KIF4A: variants seen among roughly 807,000 people sequenced by gnomAD.
KIF4A encodes the protein chromosome-associated kinesin KIF4A.
A neutral mutation model predicts 105.9 loss-of-function variants in KIF4A; 7 were observed. The ratio of observed to expected loss-of-function variants is 0.07; its 90% CI spans 0.04 to 0.12. KIF4A has a LOEUF of 0.12. KIF4A is among the 10% of genes least tolerant of loss of function. The pLI, the probability that KIF4A is intolerant of heterozygous loss-of-function variation, is 1.00. For missense variants in KIF4A, 558 were observed against 929.2 expected (o/e 0.60, Z 5.19); for synonymous variants, 281 against 331.3 (o/e 0.85, Z 1.65).
chrX:70,330,627 A>G (rs914071076), intron 9 of KIF4A, among the ~76,000 whole-genome samples: 3 of 111,875 alleles, frequency 2.7e-5, no homozygotes, highest in African/African-American at 9.7e-5. Context: ...TTTGGAATTC[A>G]ACCTGAAAGC....
intron 29 of KIF4A, 111 bp downstream of exon 29, chrX:70,418,115 AC>A: frequency 7.3e-6 from 4 of 549,606 alleles, no homozygotes; most frequent in African/African-American, 2.3e-5. Context: ...AGCTCTTCCA[AC>A]CCTTCTCCTT....
At chrX:70,290,199 C>G (rs1477332372) in intron 1 of KIF4A, 49 bp downstream of exon 1, 6 of 334,092 alleles carry the variant, frequency 1.8e-5, no homozygotes, top group African/African-American at 1.3e-4. Flanking sequence ...TTACCCAGTA[C>G]CCTAGGGCTT....
intron 15 of KIF4A, among the ~76,000 whole-genome samples, chrX:70,354,710 T>C (rs1383183921): frequency 9.0e-6 from 1 of 111,196 alleles, no homozygotes; most frequent in African/African-American, 3.3e-5. Context: ...ACAAGAGAGG[T>C]GGACAGTTGG....
chrX:70,403,401 C>T (rs983654048), intron 23 of KIF4A, among the ~76,000 whole-genome samples: 11 of 112,255 alleles, frequency 9.8e-5, no homozygotes, highest in African/African-American at 3.6e-4. Flanking sequence ...GGATATGTAG[C>T]CTGAAGAGCC....
chrX:70,290,792 A>T lies in KIF4A; in HGVS notation c.222A>T (p.Lys74Asn), dbSNP rs1328780124. ...VFNTAVAPLI[K>N]GVFKGYNATV... is the part of the protein sequence containing the mutation. ...ATACAGCAGTAGCGCCACTCATAAA[A>T]GGTGTATTTAAAGGTAAGGCGATTT... The change falls in exon 3 of 31, where the codon AAA becomes AAT. Residue 74 changes from lysine (K) to asparagine (N), a missense_variant. Coordinates refer to ENST00000374403, the MANE Select transcript of KIF4A (RefSeq NM_012310.5). 1 of 1,177,813 alleles carries T rather than the reference A, an allele frequency of 8.5e-7. No homozygotes were observed.
intron 23 of KIF4A, 78 bp downstream of exon 23, chrX:70,402,773 A>G: frequency 1.8e-6 from 2 of 1,084,872 alleles, no homozygotes; most frequent in East Asian, 6.5e-5. Flanking sequence ...AATATTGTCA[A>G]AGTGTTATTG....
chrX:70,416,203 G>C (rs1454948878), intron 28 of KIF4A, among the ~76,000 whole-genome samples: 1 of 109,586 alleles, frequency 9.1e-6, no homozygotes, highest in East Asian at 2.9e-4. Flanking sequence ...AGTTGAGCCA[G>C]GGTACAATGA....
intron 28 of KIF4A, among the ~76,000 whole-genome samples, chrX:70,412,013 C>A (rs1428082234): frequency 9.0e-6 from 1 of 111,320 alleles, no homozygotes; most frequent in Non-Finnish European, 1.9e-5. Flanking sequence ...ACCCTGTATA[C>A]ATGTATTAAA....
At chrX:70,350,676 C>G (rs2086026739) in intron 13 of KIF4A, among the ~76,000 whole-genome samples, 1 of 111,326 alleles carries the variant, frequency 9.0e-6, no homozygotes, top group South Asian at 3.8e-4. Context: ...AAGAGCGAGA[C>G]TCTGTCTCAA....
chrX:70,308,922 T>G lies in KIF4A; in HGVS notation c.778+6524T>G, dbSNP rs145162235. ...ACCACGCCAGGCCTGAGATCTTTTT[T>G]GTATCCCGTGTATATAAGTCTACTT... On this transcript the variant is annotated intron_variant, in intron 7 of 30. Transcript: ENST00000374403. 9.6e-3 allele frequency among the ~76,000 whole-genome samples: 1,076 copies of G among 112,608 alleles called. 11 individuals are homozygous for G. The highest frequency in any genetic ancestry group is 0.033 in the African/African-American group (1,023 of 31,031).
Position 70,353,735 on chromosome X carries a change from A to G in KIF4A, c.1602A>G (p.Ala534=). The G allele has an allele frequency of 6.6e-6, 8 of 1,207,690 alleles. No homozygotes were observed. The highest frequency in any genetic ancestry group is 9.0e-6 in the Non-Finnish European group (8 of 893,422). ...TGGTTGAGTTGAATAAAGCGCTTGC[A>G]CTGAAAGAGGCCCTGGCTAGGAAGA... ...KELVELNKAL[A]LKEALARKMT... The change falls in exon 15 of 31, where the codon GCA becomes GCG. Residue 534 remains alanine (A), a synonymous_variant. Coordinates refer to ENST00000374403, the MANE Select transcript of KIF4A (RefSeq NM_012310.5).
At chrX:70,343,581 T>C in intron 11 of KIF4A, 122 bp from the exon 12 acceptor site, 1 of 573,038 alleles carries the variant, frequency 1.7e-6, no homozygotes, top group Non-Finnish European at 2.8e-6. Flanking sequence ...GCCCACTAAA[T>C]CCTCTGTTAC....
At chrX:70,371,650 G>T (rs1368536435) in intron 15 of KIF4A, among the ~76,000 whole-genome samples, 1 of 105,454 alleles carries the variant, frequency 9.5e-6, no homozygotes, top group Admixed American at 9.7e-5. Flanking sequence ...GGCCAGGTGG[G>T]GGGCTGACCC....
chrX:70,300,807 A>G (rs1304959464), intron 5 of KIF4A, among the ~76,000 whole-genome samples: 3 of 112,081 alleles, frequency 2.7e-5, no homozygotes, highest in Non-Finnish European at 5.6e-5. Context: ...AATTCACCCT[A>G]ACCTGGAGGT....
chrX:70,348,596 A>G (rs192776029), intron 13 of KIF4A, among the ~76,000 whole-genome samples: 64 of 111,160 alleles, frequency 5.8e-4, no homozygotes, highest in East Asian at 4.5e-3. Flanking sequence ...TTAACAAAGC[A>G]CATCTTGCAC....
In KIF4A at chrX:70,301,943, C is replaced by T; in HGVS notation, c.560C>T (p.Thr187Ile). ...AAGACTGTTTTGGTTGCCTTGGATA[C>T]TGTTTCCTGTTTGGAACAGGGCAAC... is the stretch of plus-strand genomic sequence containing the variant. The part of the protein sequence containing the change: ...TEKTVLVALD[T>I]VSCLEQGNNS... Residue 187 changes from threonine (T) to isoleucine (I), a missense_variant, in exon 6 of 31, where the codon ACT (threonine) becomes ATT (isoleucine). By Grantham distance (89) the Thr-to-Ile change is moderately conservative. This residue lies in a region of KIF4A where 89 missense variants were observed against 248.8 expected (regional missense o/e 0.36). Coordinates refer to ENST00000374403, the MANE Select transcript of KIF4A (RefSeq NM_012310.5). The T allele has an allele frequency of 1.7e-6, 2 of 1,211,501 alleles. No homozygotes were observed. Among genetic ancestry groups the T allele is most frequent in the South Asian group, 3.5e-5 (2 of 56,943 alleles).
chrX:70,412,527 A>G (rs2086326139), intron 28 of KIF4A, among the ~76,000 whole-genome samples: 1 of 111,819 alleles, frequency 8.9e-6, no homozygotes, highest in African/African-American at 3.2e-5. Flanking sequence ...ATCCTGGTGA[A>G]GTATCACCAG....
At chrX:70,398,880 A>G (rs751168869) in intron 22 of KIF4A, among the ~76,000 whole-genome samples, 66 of 111,577 alleles carry the variant, frequency 5.9e-4, no homozygotes, top group African/African-American at 2.1e-3. Context: ...CTTTTTTGCT[A>G]CATTGGAATT....
intron 7 of KIF4A, 90 bp downstream of exon 7, chrX:70,302,488 C>A: frequency 2.3e-6 from 2 of 858,646 alleles, no homozygotes; most frequent in Non-Finnish European, 3.3e-6. Context: ...GATTTGAGAT[C>A]ACATTCTAAC....
Sources: allele counts gnomAD v4.1 joint callset (sites outside exome capture counted in the v4.1 genomes callset), GRCh38; gene constraint gnomAD v4.1.1; regional missense constraint gnomAD v4.1.1; transcripts MANE v1.5; gene names NCBI Gene and HGNC (gene_info 2026-07-23, HGNC 2026-07-21).